Variants in TJP2 observed in about 807,000 individuals in gnomAD.
The protein encoded by TJP2 is Friedreich ataxia region gene X104 (tight junction protein ZO-2).
A neutral mutation model predicts 133.1 loss-of-function variants in TJP2; 91 were observed. The observed-to-expected ratio is 0.68, with a 90% CI of 0.58 to 0.81. The LOEUF (loss-of-function observed/expected upper bound fraction) is 0.81, where lower values mean the gene tolerates loss of function less well. Among genes scored for constraint, TJP2 ranks in the 40% least tolerant of loss-of-function variants. TJP2 has a pLI of 0.00. For missense variants in TJP2, 1,541 were observed against 1,565.6 expected (o/e 0.98, Z 0.26); for synonymous variants, 592 against 583.4 (o/e 1.01, Z -0.21).
chr9:69,204,233 G>T (rs990436655), intron 1 of TJP2, among the ~76,000 whole-genome samples: 5 of 152,118 alleles, frequency 3.3e-5, no homozygotes, highest in Non-Finnish European at 7.3e-5. Flanking sequence ...CTAGATGGTG[G>T]CCATCTCATG....
intron 1 of TJP2, among the ~76,000 whole-genome samples, chr9:69,132,040 C>T (rs907596104): frequency 5.3e-5 from 8 of 152,358 alleles, no homozygotes; most frequent in African/African-American, 1.9e-4. Context: ...CAAGGCTCCT[C>T]TCCCAGTAGA....
At chr9:69,139,745 C>T (rs1351591725) in intron 1 of TJP2, among the ~76,000 whole-genome samples, 1 of 152,204 alleles carries the variant, frequency 6.6e-6, no homozygotes, top group African/African-American at 2.4e-5. Context: ...CATTGATGAG[C>T]AGTGAGAGCG....
At chr9:69,140,941 A>C (rs893781324) in intron 1 of TJP2, among the ~76,000 whole-genome samples, 2 of 152,106 alleles carry the variant, frequency 1.3e-5, no homozygotes, top group South Asian at 2.1e-4. Context: ...CTGCCTCCCA[A>C]GTTCAAGTGA....
rs1353970364 is a variant in TJP2 at position 69,221,063 on chromosome 9, C to G, written c.519C>G (p.Asp173Glu). The G allele has an allele frequency of 2.5e-6, 4 of 1,598,916 alleles. No individual in the cohort carries two copies. The highest frequency in any genetic ancestry group is 3.4e-6 in the Non-Finnish European group (4 of 1,173,494). ...SHGGRSRSWE[D>E]SPERGRPHER... Reference sequence around the variant, plus strand: ...GGGGGCGCAGCCGCAGCTGGGAGGACAGCCCGGAAAGGGGGCGTCCCCATG... The same window carrying G: ...GGGGGCGCAGCCGCAGCTGGGAGGAGAGCCCGGAAAGGGGGCGTCCCCATG... The change falls in exon 5 of 23, where the codon GAC becomes GAG. Residue 173 changes from aspartate to glutamate, a missense_variant. By Grantham distance (45) the Asp-to-Glu change is conservative (BLOSUM62 2). Coordinates refer to ENST00000377245, the MANE Select transcript of TJP2 (RefSeq NM_004817.4).
intron 1 of TJP2, among the ~76,000 whole-genome samples, chr9:69,139,319 A>G (rs1394149808): frequency 6.6e-6 from 1 of 152,240 alleles, no homozygotes; most frequent in Non-Finnish European, 1.5e-5. Flanking sequence ...CCTAACCCCC[A>G]GTTCCTCAGA....
chr9:69,215,313 TAAAATA>T (rs3067215), intron 2 of TJP2, among the ~76,000 whole-genome samples: 23 of 151,106 alleles, frequency 1.5e-4, no homozygotes, highest in African/African-American at 4.9e-4. Context: ...CTCCTGAATC[TAAAATA>T]AAAATAAAAT....
chr9:69,245,056 A>G (rs562846349), intron 17 of TJP2, among the ~76,000 whole-genome samples: 1 of 152,320 alleles, frequency 6.6e-6, no homozygotes, highest in African/African-American at 2.4e-5. Flanking sequence ...TCTCACTTCT[A>G]TTTTTAAGTA....
chr9:69,234,657 A>C, intron 12 of TJP2, 110 bp downstream of exon 12: 1 of 781,364 alleles, frequency 1.3e-6, no homozygotes, highest in Non-Finnish European at 2.1e-6. Flanking sequence ...AAAAATTGAG[A>C]TGGATCTCAA....
chr9:69,253,117 G>A, intron 22 of TJP2: 1 of 588,980 alleles, frequency 1.7e-6, no homozygotes, highest in Non-Finnish European at 3.1e-6. Context: ...CTGACAAAGT[G>A]TAATCATTGA....
At chr9:69,226,325 G>T (rs1451977863) in intron 7 of TJP2, 150 bp downstream of exon 7, 9 of 914,540 alleles carry the variant, frequency 9.8e-6, no homozygotes, top group Non-Finnish European at 1.5e-5. Flanking sequence ...CTGGTTGGTT[G>T]TTATTTGCTT....
At chr9:69,142,505 A>T (rs1823057346) in intron 1 of TJP2, among the ~76,000 whole-genome samples, 1 of 152,222 alleles carries the variant, frequency 6.6e-6, no homozygotes, top group Non-Finnish European at 1.5e-5. Flanking sequence ...AGAGCTAAAA[A>T]AGCAAAAACA....
At chr9:69,145,062 G>T (rs1337419710) in intron 1 of TJP2, among the ~76,000 whole-genome samples, 1 of 152,192 alleles carries the variant, frequency 6.6e-6, no homozygotes, top group African/African-American at 2.4e-5. Flanking sequence ...GATCACACAT[G>T]TTGGGTTCTA....
At chr9:69,152,612 C>A (rs533270942) in intron 2 of TJP2, among the ~76,000 whole-genome samples, 1 of 152,074 alleles carries the variant, frequency 6.6e-6, no homozygotes, top group South Asian at 2.1e-4. Context: ...TGCTTCTGAG[C>A]CTCAGATCCT....
chr9:69,152,817 C>CGTTTTTTT (rs1823541793), intron 2 of TJP2, among the ~76,000 whole-genome samples: 1 of 47,996 alleles, frequency 2.1e-5, no homozygotes, highest in Non-Finnish European at 4.0e-5. Flanking sequence ...CTCTGGAGCT[C>CGTTTTTTT]TTTTTTTTTT....
chr9:69,212,987 T>C (rs1347103669), intron 2 of TJP2, among the ~76,000 whole-genome samples: 1 of 43,962 alleles, frequency 2.3e-5, no homozygotes, highest in Non-Finnish European at 6.8e-5. Context: ...TCTTAAAAAG[T>C]GTAGCATCCA....
chr9:69,181,372 C>T (rs933298839), intron 1 of TJP2, among the ~76,000 whole-genome samples: 1 of 150,874 alleles, frequency 6.6e-6, no homozygotes, highest in African/African-American at 2.4e-5. Flanking sequence ...CCTCAGCCTC[C>T]CAAGTAGCTG....
rs151113713 is a variant in TJP2, at chr9:69,241,826, C to T, written c.2566+1679C>T. The stretch of plus-strand genomic sequence containing the variant: ...TGACTGAGCCCAGACTAAACTATAG[C>T]GTCCCTAACTGTCCAATATTGTACA... On this transcript the variant is annotated intron_variant, in intron 17 of 22. Coordinates refer to ENST00000377245, the MANE Select transcript of TJP2 (RefSeq NM_004817.4). Among the ~76,000 whole-genome samples, 540 of 152,256 alleles carry T rather than the reference C, an allele frequency of 3.5e-3. 3 individuals are homozygous for T. Among genetic ancestry groups the T allele is most frequent in the African/African-American group, 0.012 (505 of 41,532 alleles).
At chr9:69,194,306 A>C (rs1384831573) in intron 1 of TJP2, among the ~76,000 whole-genome samples, 1 of 152,220 alleles carries the variant, frequency 6.6e-6, no homozygotes, top group African/African-American at 2.4e-5. Context: ...TCATGGTTGC[A>C]GCACTGTAAA....
At chr9:69,145,473 G>A in intron 1 of TJP2, 1 of 316,396 alleles carries the variant, frequency 3.2e-6, no homozygotes, top group African/African-American at 2.1e-5. Context: ...TTTCATTAGT[G>A]CTTTATTCAG....
Sources: gnomAD v4.1 joint callset for allele counts (sites outside exome capture counted in the v4.1 genomes callset) on GRCh38, gnomAD v4.1.1 for gene constraint, MANE v1.5 for transcripts, NCBI Gene and HGNC (gene_info 2026-07-23, HGNC 2026-07-21) for gene names.